Variants in PCDH15 observed in about 807,000 individuals in gnomAD.
The protein encoded by PCDH15 is protocadherin-15.
A neutral mutation model predicts 178.5 loss-of-function variants in PCDH15; 129 were observed. The ratio of observed to expected loss-of-function variants is 0.72; its 90% CI spans 0.63 to 0.84. The LOEUF is 0.84. PCDH15 is among the 40% of genes least tolerant of loss of function. The pLI, the probability that PCDH15 is intolerant of heterozygous loss-of-function variation, is 0.00. For synonymous variants in PCDH15, 800 were observed against 732.0 expected (o/e 1.09, Z -1.50); for missense variants, 2,230 against 2,099.9 (o/e 1.06, Z -1.21).
rs551704531 is a variant in PCDH15 at position 55,231,428 on chromosome 10, T to C, written c.-155-64777A>G. Among the ~76,000 whole-genome samples, 5 of 152,130 alleles carry C rather than the reference T, an allele frequency of 3.3e-5. No individual in the cohort carries two copies. In the South Asian group the frequency reaches 6.2e-4, roughly 19 times the overall value. On this transcript the variant is annotated intron_variant, in intron 1 of 5. Transcript: ENST00000458638. The stretch of plus-strand genomic sequence containing the variant: ...ATTATTCAAAGTAACAGGAGTTGTT[T>C]TGAGTAAACTACCTAGCTAAGGCCA...
At chr10:53,922,243 CA>C (rs2084059417) in intron 25 of PCDH15, among the ~76,000 whole-genome samples, 1 of 152,036 alleles carries the variant, frequency 6.6e-6, no homozygotes, top group South Asian at 2.1e-4. Flanking sequence ...GTAGATGAAG[CA>C]TATTTAGTAT....
At chr10:54,461,962 G>A (rs2077191604) in intron 3 of PCDH15, among the ~76,000 whole-genome samples, 5 of 151,710 alleles carry the variant, frequency 3.3e-5, no homozygotes, top group Admixed American at 3.3e-4. Flanking sequence ...ATACCTACTA[G>A]CATATGATAA....
At chr10:54,876,078 G>A (rs1244550243) in intron 3 of PCDH15, among the ~76,000 whole-genome samples, 2 of 152,084 alleles carry the variant, frequency 1.3e-5, no homozygotes, top group Non-Finnish European at 2.9e-5. Context: ...TTAAGTTGAA[G>A]CCAGTGTTCA....
Position 53,816,296 on chromosome 10 carries a change from A to G in PCDH15, c.4453-19T>C. On this transcript the variant is annotated intron_variant, in intron 34 of 37. Coordinates refer to ENST00000644397, the MANE Select transcript of PCDH15 (RefSeq NM_001384140.1). The stretch of plus-strand genomic sequence containing the variant: ...GCTGTTGCTGTCAAAGGAAATTAAA[A>G]TAGAAAAAGATTTAGAAAATAATTC... 2.5e-6 allele frequency: 1 copy of G among 398,770 alleles called. No individual in the cohort carries two copies. The highest frequency in any genetic ancestry group is 3.6e-5 in the East Asian group (1 of 28,018). 24.7% of individuals were successfully genotyped at this position (398,770 alleles called of 1,614,324 possible).
chr10:54,150,765 T>G (rs1023311473), intron 14 of PCDH15, among the ~76,000 whole-genome samples: 8 of 152,044 alleles, frequency 5.3e-5, no homozygotes, highest in Non-Finnish European at 8.8e-5. Context: ...GGGGATTTCT[T>G]GTGTTTTTAT....
intron 2 of PCDH15, among the ~76,000 whole-genome samples, chr10:55,443,245 T>G (rs531216371): frequency 4.3e-4 from 65 of 152,214 alleles, no homozygotes; most frequent in Non-Finnish European, 7.5e-4. Flanking sequence ...ACTTCATGAC[T>G]AAAGCAAGAA....
intron 3 of PCDH15, among the ~76,000 whole-genome samples, chr10:54,874,855 A>C (rs1954110596): frequency 6.6e-6 from 1 of 152,130 alleles, no homozygotes; most frequent in South Asian, 2.1e-4. Context: ...CATATGATAC[A>C]TGTTTTATTG....
In PCDH15 at chr10:54,306,639, A is replaced by C. The variant is rs56878217; in HGVS notation, c.876+10632T>G. Among the ~76,000 whole-genome samples the C allele has an allele frequency of 2.9e-3, 446 of 152,006 alleles. 3 individuals carry two copies. The highest frequency in any genetic ancestry group is 0.01 in the African/African-American group (427 of 41,500). ...AGCATACCTTCACATCAATATCTAGATATATTTGACAGATATCTGGGTACC... is the reference window on the plus strand; with the variant it reads ...AGCATACCTTCACATCAATATCTAGCTATATTTGACAGATATCTGGGTACC... On this transcript the variant is annotated intron_variant, in intron 8 of 37. Transcript: ENST00000644397.
intron 2 of PCDH15, among the ~76,000 whole-genome samples, chr10:54,931,129 A>G (rs143855187): frequency 1.1e-4 from 16 of 152,314 alleles, no homozygotes; most frequent in African/African-American, 3.1e-4. Flanking sequence ...AAATTATATC[A>G]AAACCACATT....
intron 1 of PCDH15, among the ~76,000 whole-genome samples, chr10:54,786,270 T>C (rs1291449761): frequency 2.3e-4 from 35 of 152,006 alleles, no homozygotes; most frequent in Admixed American, 2.0e-3. Context: ...CGAATGTAGC[T>C]TTTGAATGAA....
At chr10:53,901,475 GTCAAATTTT>G (rs1247120508) in intron 26 of PCDH15, among the ~76,000 whole-genome samples, 2 of 151,984 alleles carry the variant, frequency 1.3e-5, no homozygotes, top group African/African-American at 4.8e-5. Flanking sequence ...TCAAGCTACC[GTCAAATTTT>G]TCCTGGACTC....
At chr10:54,779,217 AT>A (rs1301792493) in intron 1 of PCDH15, among the ~76,000 whole-genome samples, 2 of 151,606 alleles carry the variant, frequency 1.3e-5, no homozygotes, top group African/African-American at 4.8e-5. Context: ...AAATATATTC[AT>A]GAGTCAAAAT....
chr10:55,480,407 C>T lies in PCDH15; in HGVS notation c.-156+147218G>A, dbSNP rs190136976. 5.3e-5 allele frequency among the ~76,000 whole-genome samples: 8 copies of T among 151,734 alleles called. No homozygotes were observed. In the East Asian group the frequency reaches 1.4e-3, roughly 26 times the overall value. ...GACAGAGGGCATCTTTTTGTTGAGC[C>T]AGTTTTCAAGGGGAATGCTCCCAGC... On this transcript the variant is annotated intron_variant, in intron 2 of 5. Transcript: ENST00000613346.
At chr10:54,076,211 T>G (rs2094339268) in intron 17 of PCDH15, among the ~76,000 whole-genome samples, 1 of 152,158 alleles carries the variant, frequency 6.6e-6, no homozygotes, top group Non-Finnish European at 1.5e-5. Flanking sequence ...TTTTATTCTT[T>G]TGGATACTAT....
chr10:55,391,631 C>T (rs901403222), intron 2 of PCDH15, among the ~76,000 whole-genome samples: 13 of 151,884 alleles, frequency 8.6e-5, no homozygotes, highest in Non-Finnish European at 1.5e-4. Flanking sequence ...GGATTACAGG[C>T]ATGCACCACC....
intron 1 of PCDH15, among the ~76,000 whole-genome samples, chr10:55,304,744 T>A (rs949578094): frequency 2.6e-5 from 4 of 152,202 alleles, no homozygotes; most frequent in African/African-American, 9.6e-5. Context: ...GTATACTGGC[T>A]TAAGTTCTCA....
chr10:55,060,876 T>C (rs1841411845), intron 2 of PCDH15, among the ~76,000 whole-genome samples: 1 of 150,474 alleles, frequency 6.6e-6, no homozygotes, highest in Non-Finnish European at 1.5e-5. Context: ...GAACACCACA[T>C]CAAAAAAAAA....
At chr10:54,606,199 A>G (rs994284861) in intron 2 of PCDH15, 1 of 152,038 alleles carries the variant, frequency 6.6e-6, no homozygotes, top group Non-Finnish European at 1.5e-5. Flanking sequence ...CTAGTTGGTG[A>G]ATGAGGAGGT....
intron 2 of PCDH15, among the ~76,000 whole-genome samples, chr10:54,977,272 T>C (rs1423044977): frequency 6.6e-6 from 1 of 152,130 alleles, no homozygotes. Context: ...AGAAGGTCAG[T>C]AGGACTGGTT....
Sources: gnomAD v4.1 joint callset for allele counts (sites outside exome capture counted in the v4.1 genomes callset) on GRCh38, gnomAD v4.1.1 for gene constraint, MANE v1.5 for transcripts, NCBI Gene and HGNC (gene_info 2026-07-23, HGNC 2026-07-21) for gene names.